CSMD1: variants seen among roughly 807,000 people sequenced by gnomAD.
CSMD1 encodes CUB and Sushi multiple domains 1.
In CSMD1, 213 loss-of-function variants were observed where a neutral mutation model predicts 417.5. The observed-to-expected ratio is 0.51, with a 90% CI of 0.46 to 0.57. CSMD1 has a LOEUF of 0.57. Ranked by LOEUF, CSMD1 falls within the 20% of genes least tolerant of loss-of-function variation. The pLI is 0.00. For missense variants in CSMD1, 6,923 were observed against 4,529.7 expected, an observed-to-expected ratio of 1.53 and a Z score of -15.17; for synonymous variants, 2,862 against 1,736.8, an observed-to-expected ratio of 1.65 and a Z score of -16.11.
chr8:3,290,092 C>G (rs547343019), intron 25 of CSMD1, among the ~76,000 whole-genome samples: 1 of 146,936 alleles, frequency 6.8e-6, no homozygotes, highest in Non-Finnish European at 1.5e-5. Context: ...GAATGCTTTC[C>G]CCATTGCTTG....
Position 4,282,626 on chromosome 8 carries a change from T to C in CSMD1, c.415+137327A>G, listed in dbSNP as rs553619169. 5.8e-4 allele frequency among the ~76,000 whole-genome samples: 88 copies of C among 152,360 alleles called. 2 individuals are homozygous for C. The South Asian group carries it at 0.012, about 21-fold the overall frequency. On this transcript the variant is annotated intron_variant, in intron 3 of 69. Coordinates refer to ENST00000635120, the MANE Select transcript of CSMD1 (RefSeq NM_033225.6). ...GTCAGGGAGAAAGGTAGTTAGTATA[T>C]TGTATGCATTCACCTTTTCAGTTTT...
intron 1 of CSMD1, among the ~76,000 whole-genome samples, chr8:4,680,140 A>T (rs1209813840): frequency 1.3e-5 from 2 of 152,246 alleles, no homozygotes; most frequent in South Asian, 4.1e-4. Context: ...GACAACTATG[A>T]ATATACACAG....
At chr8:3,608,224 G>A (rs866033793) in intron 8 of CSMD1, among the ~76,000 whole-genome samples, 1 of 151,970 alleles carries the variant, frequency 6.6e-6, no homozygotes, top group Non-Finnish European at 1.5e-5. Context: ...ACTGAAGGTG[G>A]GCAGGTGCCA....
At chr8:4,390,323 A>T (rs1013183043) in intron 3 of CSMD1, among the ~76,000 whole-genome samples, 3 of 152,126 alleles carry the variant, frequency 2.0e-5, no homozygotes, top group Non-Finnish European at 4.4e-5. Context: ...TAATTGGGAA[A>T]AGAAGGAAAA....
chr8:3,037,633 G>A (rs957706444), intron 50 of CSMD1, among the ~76,000 whole-genome samples: 1 of 152,078 alleles, frequency 6.6e-6, no homozygotes, highest in African/African-American at 2.4e-5. Flanking sequence ...CTGCTGGAGC[G>A]GACGGTAAGA....
intron 5 of CSMD1, among the ~76,000 whole-genome samples, chr8:3,984,327 C>G (rs781108411): frequency 1.3e-5 from 2 of 152,124 alleles, no homozygotes; most frequent in Non-Finnish European, 2.9e-5. Context: ...AAATTTCGAT[C>G]CACTGCCAAA....
intron 3 of CSMD1, among the ~76,000 whole-genome samples, chr8:4,251,867 G>C (rs1229095800): frequency 1.3e-5 from 2 of 148,406 alleles, no homozygotes; most frequent in East Asian, 4.0e-4. Context: ...GGAGGAGAGA[G>C]AGGGTGGAGG....
chr8:3,097,937 G>C (rs1287797032), intron 46 of CSMD1, among the ~76,000 whole-genome samples: 1 of 152,096 alleles, frequency 6.6e-6, no homozygotes, highest in South Asian at 2.1e-4. Flanking sequence ...AAGATACTAT[G>C]GATACATCGT....
chr8:4,473,604 T>C (rs967634100), intron 2 of CSMD1, among the ~76,000 whole-genome samples: 1 of 152,202 alleles, frequency 6.6e-6, no homozygotes, highest in Non-Finnish European at 1.5e-5. Flanking sequence ...AAGATGACAT[T>C]GTACATCACT....
intron 7 of CSMD1, among the ~76,000 whole-genome samples, chr8:3,630,400 A>G (rs1226646640): frequency 6.6e-6 from 1 of 152,244 alleles, no homozygotes; most frequent in Non-Finnish European, 1.5e-5. Context: ...GGAGTATTCA[A>G]AGATCCGAAA....
chr8:3,682,104 G>A (rs1417502777), intron 7 of CSMD1, among the ~76,000 whole-genome samples: 1 of 152,078 alleles, frequency 6.6e-6, no homozygotes, highest in African/African-American at 2.4e-5. Context: ...GAAAACCTAG[G>A]CAATACTATT....
chr8:4,022,198 A>ATG (rs1394546866), intron 4 of CSMD1, among the ~76,000 whole-genome samples: 4 of 148,494 alleles, frequency 2.7e-5, no homozygotes, highest in Non-Finnish European at 4.5e-5. Context: ...ATATATATAT[A>ATG]TAACAATAGC....
intron 50 of CSMD1, among the ~76,000 whole-genome samples, chr8:3,035,625 C>T (rs1237737314): frequency 6.6e-6 from 1 of 152,204 alleles, no homozygotes; most frequent in Non-Finnish European, 1.5e-5. Flanking sequence ...GAATAACAAA[C>T]TCCTTGAATG....
chr8:3,057,654 T>C (rs1435933162), intron 49 of CSMD1, among the ~76,000 whole-genome samples: 1 of 152,180 alleles, frequency 6.6e-6, no homozygotes, highest in African/African-American at 2.4e-5. Flanking sequence ...CAGATAAAGT[T>C]ACAGATGCTA....
chr8:4,084,528 T>C (rs1013804879), intron 3 of CSMD1, among the ~76,000 whole-genome samples: 3 of 152,170 alleles, frequency 2.0e-5, no homozygotes, highest in Non-Finnish European at 2.9e-5. Context: ...TTTTCCTTAC[T>C]TCCTCAAGGA....
rs1373761177 is a variant in CSMD1 at position 4,266,588 on chromosome 8, G to T, written c.415+153365C>A. Among the ~76,000 whole-genome samples the T allele has an allele frequency of 2.9e-5, 3 of 104,592 alleles. 1 individual carries two copies. In the South Asian group the frequency reaches 1.1e-3, roughly 39 times the overall value. 68.6% of individuals were successfully genotyped at this position (104,592 alleles called of 152,430 possible). A position where few individuals can be genotyped will look rare whatever the true frequency, so the allele number is the denominator to read the frequency against. ...CAATTTTAAACAAGTACACCATACA[G>T]GTATGTCCCCACTAATGGCGTAAAG... is the stretch of plus-strand genomic sequence containing the variant. On this transcript the variant is annotated intron_variant, in intron 3 of 69. Transcript: ENST00000635120.
intron 26 of CSMD1, among the ~76,000 whole-genome samples, chr8:3,258,940 G>A (rs533469996): frequency 5.3e-5 from 8 of 152,268 alleles, no homozygotes; most frequent in Non-Finnish European, 1.2e-4. Context: ...GCGGTCTCCC[G>A]GATGGTGGAA....
rs959914928 is a variant in CSMD1 at position 4,112,804 on chromosome 8, C to G, written c.416-80705G>C. 3.3e-5 allele frequency among the ~76,000 whole-genome samples: 5 copies of G among 152,276 alleles called. No homozygotes were observed. The East Asian group carries it at 9.6e-4, about 29-fold the overall frequency. On this transcript the variant is annotated intron_variant, in intron 3 of 69. Coordinates refer to ENST00000635120, the MANE Select transcript of CSMD1 (RefSeq NM_033225.6). ...AACGTTAGAATTTTATACACACAGACATAACTTTTGTTTATGGCTCTTCAC... is the reference window on the plus strand; with the variant it reads ...AACGTTAGAATTTTATACACACAGAGATAACTTTTGTTTATGGCTCTTCAC...
At chr8:3,915,343 T>C (rs1808742823) in intron 5 of CSMD1, among the ~76,000 whole-genome samples, 1 of 147,378 alleles carries the variant, frequency 6.8e-6, no homozygotes, top group African/African-American at 2.5e-5. Context: ...GAAGCGGAAG[T>C]TGCAGTGAGC....
Sources: gnomAD v4.1 joint callset for allele counts (sites outside exome capture counted in the v4.1 genomes callset) on GRCh38, gnomAD v4.1.1 for gene constraint, MANE v1.5 for transcripts, NCBI Gene and HGNC (gene_info 2026-07-23, HGNC 2026-07-21) for gene names.